The following TMEM132B variants were observed in gnomAD, a reference collection of about 807,000 sequenced individuals.
The protein encoded by TMEM132B is transmembrane protein 132B.
Under a neutral mutation model 90.8 loss-of-function variants are expected in TMEM132B, and 18 were observed. The ratio of observed to expected loss-of-function variants is 0.20; its 90% CI spans 0.14 to 0.29. The LOEUF (loss-of-function observed/expected upper bound fraction) is 0.29. Among genes scored for constraint, TMEM132B ranks in the 10% least tolerant of loss-of-function variants. TMEM132B has a pLI of 1.00. For missense variants in TMEM132B, 1,096 were observed against 1,326.8 expected (o/e 0.83, Z 2.70); for synonymous variants, 504 against 523.3 (o/e 0.96, Z 0.50).
At chr12:125,283,932 T>A (rs1029983545) in intron 1 of TMEM132B, among the ~76,000 whole-genome samples, 2 of 151,814 alleles carry the variant, frequency 1.3e-5, no homozygotes, top group Non-Finnish European at 2.9e-5. Flanking sequence ...GGAAGGGGAG[T>A]AGAATTACCA....
intron 3 of TMEM132B, among the ~76,000 whole-genome samples, chr12:125,473,753 C>G (rs913476680): frequency 6.6e-6 from 1 of 152,128 alleles, no homozygotes; most frequent in Non-Finnish European, 1.5e-5. Context: ...TTCCAGCTCT[C>G]AAGGGTCCCA....
chr12:125,538,561 T>G (rs1883874046), intron 4 of TMEM132B, among the ~76,000 whole-genome samples: 1 of 152,210 alleles, frequency 6.6e-6, no homozygotes, highest in Admixed American at 6.5e-5. Flanking sequence ...AAACTTTCTA[T>G]TCCTCATCCG....
intron 1 of TMEM132B, among the ~76,000 whole-genome samples, chr12:125,348,260 AAAT>A (rs1486525819): frequency 2.0e-5 from 3 of 152,216 alleles, no homozygotes; most frequent in Admixed American, 6.5e-5. Context: ...ATATGGATTA[AAAT>A]AATAATTGTG....
At chr12:125,238,991 T>G (rs1159157147) in intron 1 of TMEM132B, among the ~76,000 whole-genome samples, 1 of 152,144 alleles carries the variant, frequency 6.6e-6, no homozygotes, top group South Asian at 2.1e-4. Flanking sequence ...AGAGGGAGAC[T>G]GAGTTTCAGT....
chr12:125,381,669 ACTG>A (rs761507085), intron 2 of TMEM132B, among the ~76,000 whole-genome samples: 15 of 151,842 alleles, frequency 9.9e-5, no homozygotes, highest in Admixed American at 2.6e-4. Flanking sequence ...TGTGTCTACT[ACTG>A]TGTGTGTGTG....
intron 1 of TMEM132B, among the ~76,000 whole-genome samples, chr12:125,212,868 TA>T (rs1248473141): frequency 3.3e-5 from 5 of 152,302 alleles, no homozygotes; most frequent in African/African-American, 1.2e-4. Context: ...TTATATAACC[TA>T]TCATCGACAG....
intron 3 of TMEM132B, among the ~76,000 whole-genome samples, chr12:125,478,340 G>C (rs1256327650): frequency 2.0e-5 from 3 of 152,126 alleles, no homozygotes; most frequent in Non-Finnish European, 4.4e-5. Context: ...GATGTTCAAA[G>C]CCATCATAAG....
intron 4 of TMEM132B, among the ~76,000 whole-genome samples, chr12:125,582,631 T>C (rs1352448030): frequency 6.6e-6 from 1 of 152,214 alleles, no homozygotes; most frequent in African/African-American, 2.4e-5. Context: ...TCTGCCACAG[T>C]CCCCTTGTGA....
At chr12:125,474,116 T>C (rs1009358215) in intron 3 of TMEM132B, among the ~76,000 whole-genome samples, 3 of 146,108 alleles carry the variant, frequency 2.1e-5, no homozygotes, top group Non-Finnish European at 3.0e-5. Context: ...TCCGTCTTTC[T>C]GTCATTTTCT....
intron 3 of TMEM132B, among the ~76,000 whole-genome samples, chr12:125,444,358 G>A (rs1316707399): frequency 6.6e-6 from 1 of 151,962 alleles, no homozygotes; most frequent in African/African-American, 2.4e-5. Flanking sequence ...TTTCTCTCCT[G>A]TCTTTCTTTT....
chr12:125,258,639 C>T (rs1273677643), intron 1 of TMEM132B, among the ~76,000 whole-genome samples: 2 of 152,152 alleles, frequency 1.3e-5, no homozygotes, highest in Admixed American at 1.3e-4. Context: ...TCCTCATAAG[C>T]CCACCCAGAT....
intron 2 of TMEM132B, among the ~76,000 whole-genome samples, chr12:125,412,975 G>C (rs552509252): frequency 2.0e-5 from 3 of 152,214 alleles, no homozygotes; most frequent in East Asian, 3.9e-4. Flanking sequence ...GGAATTGCGG[G>C]CATTGCAGTG....
At chr12:125,291,540 C>T (rs1875540409) in intron 1 of TMEM132B, among the ~76,000 whole-genome samples, 1 of 152,168 alleles carries the variant, frequency 6.6e-6, no homozygotes, top group Non-Finnish European at 1.5e-5. Context: ...AGAGCAGCCC[C>T]TGGCTGACAG....
At chr12:125,537,018 T>C (rs1310412341) in intron 4 of TMEM132B, among the ~76,000 whole-genome samples, 7 of 152,198 alleles carry the variant, frequency 4.6e-5, no homozygotes. Context: ...GTGTATCTGA[T>C]TTGGATGGAA....
intron 1 of TMEM132B, among the ~76,000 whole-genome samples, chr12:125,276,465 A>G (rs910424218): frequency 9.2e-5 from 14 of 152,356 alleles, no homozygotes; most frequent in Admixed American, 6.5e-4. Context: ...CTTTGTTCTA[A>G]TAATCATTAG....
At chr12:125,638,121 A>T (rs1243480951) in intron 5 of TMEM132B, among the ~76,000 whole-genome samples, 1 of 152,226 alleles carries the variant, frequency 6.6e-6, no homozygotes, top group East Asian at 1.9e-4. Flanking sequence ...GCACTGAAGC[A>T]GTAACACAGT....
chr12:125,411,211 C>T (rs1879825519), intron 2 of TMEM132B, among the ~76,000 whole-genome samples: 1 of 143,518 alleles, frequency 7.0e-6, no homozygotes. Flanking sequence ...GTGGAGTGGT[C>T]AGGGAGTGAA....
At position 125,653,706 on chromosome 12, in the gene TMEM132B, T is replaced by C. The variant is rs746512138; in HGVS notation, c.2248T>C (p.Trp750Arg). 7 of 1,614,218 alleles carry C rather than the reference T, an allele frequency of 4.3e-6. No homozygotes were observed. In the South Asian group the frequency reaches 7.7e-5, roughly 18 times the overall value. Residue 750 changes from tryptophan to arginine, a missense_variant, in exon 9 of 9, where the codon TGG (tryptophan) becomes CGG (arginine). By Grantham distance (101) the Trp-to-Arg change is moderately radical (BLOSUM62 -3). Transcript: ENST00000682704. ...VSVQANLESK[W>R]PIVVAEGEGQ... ...TGTCCAGGCAAACCTTGAGTCCAAA[T>C]GGCCAATTGTGGTTGCAGAGGGTGA...
At chr12:125,423,047 G>C (rs1233759565) in intron 3 of TMEM132B, among the ~76,000 whole-genome samples, 2 of 152,220 alleles carry the variant, frequency 1.3e-5, no homozygotes, top group Non-Finnish European at 2.9e-5. Context: ...AGTGCAGACA[G>C]TCCTGGATGC....
Sources: allele counts gnomAD v4.1 joint callset (sites outside exome capture counted in the v4.1 genomes callset), GRCh38; gene constraint gnomAD v4.1.1; transcripts MANE v1.5; gene names NCBI Gene and HGNC (gene_info 2026-07-23, HGNC 2026-07-21).